The following HCK variants were observed in gnomAD, a reference collection of about 807,000 sequenced individuals.
HCK encodes the protein tyrosine-protein kinase HCK.
A neutral mutation model predicts 70.4 loss-of-function variants in HCK; 40 were observed. The ratio of observed to expected loss-of-function variants is 0.57; its 90% CI spans 0.44 to 0.74. HCK has a LOEUF of 0.74. Among genes scored for constraint, HCK ranks in the 30% least tolerant of loss-of-function variants. The probability of loss-of-function intolerance (pLI) is 0.00; values close to 1 mark genes in which losing one functional copy is unlikely to be tolerated. For synonymous variants in HCK, 245 were observed against 263.2 expected, an observed-to-expected ratio of 0.93 and a Z score of 0.67; for missense variants, 568 against 697.2, an observed-to-expected ratio of 0.81 and a Z score of 2.09.
intron 10 of HCK, among the ~76,000 whole-genome samples, chr20:32,092,078 C>T (rs2045871748): frequency 6.6e-6 from 1 of 152,150 alleles, no homozygotes. Context: ...TGCAAGTGCG[C>T]CACCCACTTG....
Position 32,079,848 on chromosome 20 carries a change from T to G in HCK, c.503T>G (p.Phe168Cys). 2 of 1,613,940 alleles carry G rather than the reference T, an allele frequency of 1.2e-6. No homozygotes were observed. Among genetic ancestry groups the G allele is most frequent in the Non-Finnish European group, 1.7e-6 (2 of 1,179,804 alleles). Residue 168 changes from phenylalanine (F) to cysteine (C), a missense_variant, in exon 6 of 13, where the codon TTC (phenylalanine) becomes TGC (cysteine). This residue lies in a region of HCK where 318 missense variants were observed against 336.0 expected (regional missense o/e 0.95). Coordinates refer to ENST00000375852, the MANE Select transcript of HCK (RefSeq NM_002110.5). ...GCTCCCGGCAACATGCTGGGCTCCT[T>G]CATGATCCGGGATAGCGAGACCACT...
At chr20:32,071,882 TG>T in intron 2 of HCK, 100 bp downstream of exon 2, 1 of 1,462,288 alleles carries the variant, frequency 6.8e-7, no homozygotes, top group Non-Finnish European at 9.2e-7. Flanking sequence ...AGGGTGAGCT[TG>T]GGGTGAAAGG....
rs747978102 is a variant in HCK, at chr20:32,088,601, G to C, written c.1049G>C (p.Gly350Ala). The C allele has an allele frequency of 1.1e-5, 17 of 1,613,876 alleles. No homozygotes were observed. The highest frequency in any genetic ancestry group is 1.4e-5 in the Non-Finnish European group (16 of 1,179,990). ...CTGGACTTTCTGAAAAGTGATGAGG[G>C]CAGCAAGCAGCCATTGCCAAAACTC... The change falls in exon 10 of 13, where the codon GGC (glycine) becomes GCC (alanine). Residue 350 changes from glycine (G) to alanine (A), a missense_variant. This residue lies in a region of HCK where 160 missense variants were observed against 237.5 expected (regional missense o/e 0.67). Coordinates refer to ENST00000375852, the MANE Select transcript of HCK (RefSeq NM_002110.5).
intron 1 of HCK, among the ~76,000 whole-genome samples, chr20:32,058,096 A>T (rs971625682): frequency 6.6e-6 from 1 of 152,164 alleles, no homozygotes; most frequent in Non-Finnish European, 1.5e-5. Context: ...TCCCAGCCTC[A>T]TCTCTACCAT....
In HCK at chr20:32,084,433, T is replaced by C. The variant is rs760789501; in HGVS notation, c.725T>C (p.Met242Thr). 1 of 1,614,052 alleles carries C rather than the reference T, an allele frequency of 6.2e-7. No individual in the cohort carries two copies. The highest frequency in any genetic ancestry group is 1.1e-5 in the South Asian group (1 of 91,076). The change falls in exon 8 of 13, where the codon ATG becomes ACG. Residue 242 changes from methionine to threonine, a missense_variant. Physicochemically the swap from Met to Thr is moderately conservative, Grantham distance 81. Around this residue, in one of 4 missense-constraint regions of HCK, gnomAD observed 318 missense variants for 336.0 expected, o/e 0.95. Coordinates refer to ENST00000375852, the MANE Select transcript of HCK (RefSeq NM_002110.5). ...TGCCAGAAACTGTCGGTGCCCTGCA[T>C]GTCTTCCAAGCCCCAGAAGCCTTGG...
chr20:32,084,046 G>A lies in HCK; in HGVS notation c.682+3G>A, dbSNP rs2045745658. Reference sequence around the variant, plus strand: ...GGAGCTGGTGGACCACTACAAGAGTGAGTCCCACCCCAGGGGTGACATCCC... The same window carrying A: ...GGAGCTGGTGGACCACTACAAGAGTAAGTCCCACCCCAGGGGTGACATCCC... On this transcript the variant is annotated splice_donor_region_variant and intron_variant, in intron 7 of 12. Transcript: ENST00000375852. The A allele has an allele frequency of 6.2e-7, 1 of 1,612,838 alleles. No homozygotes were observed. Among genetic ancestry groups the A allele is most frequent in the Non-Finnish European group, 8.5e-7 (1 of 1,179,756 alleles).
intron 1 of HCK, among the ~76,000 whole-genome samples, chr20:32,067,419 C>T (rs58948864): frequency 1.3e-5 from 2 of 152,046 alleles, no homozygotes; most frequent in African/African-American, 4.8e-5. Context: ...AACCACCATT[C>T]TACTTTTTGT....
At chr20:32,088,455 A>G in intron 9 of HCK, 113 bp from the exon 10 acceptor site, 1 of 662,040 alleles carries the variant, frequency 1.5e-6, no homozygotes, top group South Asian at 2.0e-5. Context: ...TAAATCTACT[A>G]CTATGAAAAA....
chr20:32,093,942 C>T lies in HCK; in HGVS notation c.1172C>T (p.Ala391Val). Residue 391 changes from alanine (A) to valine (V), a missense_variant, in exon 11 of 13, where the codon GCA (alanine) becomes GTA (valine). Coordinates refer to ENST00000375852, the MANE Select transcript of HCK (RefSeq NM_002110.5). ...CGAGCTGCCAACATCTTGGTCTCTG[C>T]ATCCCTGGTGTGTAAGATTGCTGAC... The T allele has an allele frequency of 6.2e-7, 1 of 1,614,002 alleles. No homozygotes were observed. Among genetic ancestry groups the T allele is most frequent in the Non-Finnish European group, 8.5e-7 (1 of 1,179,954 alleles).
intron 1 of HCK, among the ~76,000 whole-genome samples, chr20:32,063,371 G>A (rs959221115): frequency 1.3e-5 from 2 of 152,218 alleles, no homozygotes; most frequent in East Asian, 1.9e-4. Context: ...TCCCACCTCA[G>A]CCTCCCAAGT....
At chr20:32,058,981 C>T (rs1281675703) in intron 1 of HCK, among the ~76,000 whole-genome samples, 7 of 152,200 alleles carry the variant, frequency 4.6e-5, no homozygotes, top group Non-Finnish European at 7.3e-5. Context: ...CTAGCACTTT[C>T]GGCTTGCCAA....
At chr20:32,079,297 C>T (rs539316205) in intron 5 of HCK, among the ~76,000 whole-genome samples, 2 of 152,322 alleles carry the variant, frequency 1.3e-5, no homozygotes, top group South Asian at 2.1e-4. Flanking sequence ...AACTCAGGCC[C>T]TTCACAGGCT....
chr20:32,084,274 T>C, intron 7 of HCK, 117 bp from the exon 8 acceptor site: 1 of 1,249,180 alleles, frequency 8.0e-7, no homozygotes, highest in Non-Finnish European at 1.1e-6. Context: ...TCTCTGATGG[T>C]GGCAACCAGG....
intron 5 of HCK, among the ~76,000 whole-genome samples, chr20:32,079,121 CT>C (rs1168481886): frequency 6.6e-6 from 1 of 152,220 alleles, no homozygotes; most frequent in Non-Finnish European, 1.5e-5. Context: ...GCTGCTTGAA[CT>C]TTTCCACCCA....
At chr20:32,078,614 T>G (rs1191318116) in intron 5 of HCK, among the ~76,000 whole-genome samples, 1 of 151,586 alleles carries the variant, frequency 6.6e-6, no homozygotes, top group Non-Finnish European at 1.5e-5. Context: ...CCCATCACTT[T>G]GGGAGGCCAA....
intron 2 of HCK, chr20:32,072,667 G>C (rs1007868847): frequency 1.3e-5 from 2 of 149,634 alleles, no homozygotes; most frequent in Non-Finnish European, 2.9e-5. Context: ...ATACATAACA[G>C]AGCCTTTATT....
intron 9 of HCK, among the ~76,000 whole-genome samples, chr20:32,088,137 C>A (rs2045815902): frequency 6.6e-6 from 1 of 152,124 alleles, no homozygotes; most frequent in Non-Finnish European, 1.5e-5. Context: ...AACTCTTGGC[C>A]TCAGGTGATC....
At chr20:32,080,254 A>G (rs1326684604) in intron 6 of HCK, among the ~76,000 whole-genome samples, 1 of 152,096 alleles carries the variant, frequency 6.6e-6, no homozygotes, top group Non-Finnish European at 1.5e-5. Context: ...GCTGGAGTGC[A>G]GTGGTGCGAT....
At position 32,071,745 on chromosome 20, in the gene HCK, C is replaced by T. The variant is rs1422765678; in HGVS notation, c.146C>T (p.Pro49Leu). The change falls in exon 2 of 13, where the codon CCT (proline) becomes CTT (leucine). Residue 49 changes from proline (P) to leucine (L), a missense_variant. Pro to Leu is a moderately conservative substitution (Grantham distance 98, BLOSUM62 -3). Around this residue, in one of 4 missense-constraint regions of HCK, gnomAD observed 318 missense variants for 336.0 expected, o/e 0.95. Coordinates refer to ENST00000375852, the MANE Select transcript of HCK (RefSeq NM_002110.5). ...GAAACCAGCGCCAGCCCACACTGTC[C>T]TGTGTACGTGCCGGATCCCACATCC... 6.2e-7 allele frequency: 1 copy of T among 1,613,956 alleles called. No homozygotes were observed. Among genetic ancestry groups the T allele is most frequent in the East Asian group, 2.2e-5 (1 of 44,884 alleles).
Sources: gnomAD v4.1 joint callset for allele counts (sites outside exome capture counted in the v4.1 genomes callset) on GRCh38, gnomAD v4.1.1 for gene constraint, gnomAD v4.1.1 regional missense constraint, MANE v1.5 for transcripts, NCBI Gene and HGNC (gene_info 2026-07-23, HGNC 2026-07-21) for gene names.